The following CCSER1 variants were observed in gnomAD, a reference collection of about 807,000 sequenced individuals.
The protein encoded by CCSER1 is coiled-coil serine rich protein 1.
Under a neutral mutation model 82.0 loss-of-function variants are expected in CCSER1, and 41 were observed. The ratio of observed to expected loss-of-function variants is 0.50; its 90% CI spans 0.39 to 0.65. The LOEUF (loss-of-function observed/expected upper bound fraction) is 0.65, where lower values mean the gene tolerates loss of function less well. Among genes scored for constraint, CCSER1 ranks in the 30% least tolerant of loss-of-function variants. The pLI is 0.00. For synonymous variants in CCSER1, 414 were observed against 383.9 expected, an observed-to-expected ratio of 1.08 and a Z score of -0.92; for missense variants, 1,119 against 1,064.2, an observed-to-expected ratio of 1.05 and a Z score of -0.72.
At chr4:90,505,749 A>G (rs1326280201) in intron 5 of CCSER1, among the ~76,000 whole-genome samples, 3 of 152,178 alleles carry the variant, frequency 2.0e-5, no homozygotes, top group African/African-American at 7.2e-5. Context: ...GTATGATAGT[A>G]TATTATAATT....
At chr4:91,540,230 T>A (rs919742693) in intron 10 of CCSER1, among the ~76,000 whole-genome samples, 2 of 152,084 alleles carry the variant, frequency 1.3e-5, no homozygotes, top group African/African-American at 4.8e-5. Flanking sequence ...CATTGATGCA[T>A]CCTTATCACT....
intron 10 of CCSER1, among the ~76,000 whole-genome samples, chr4:91,209,795 C>G (rs1437703538): frequency 1.3e-5 from 2 of 151,274 alleles, no homozygotes; most frequent in Non-Finnish European, 3.0e-5. Flanking sequence ...TTTTTTTTCC[C>G]CAATTCAGTC....
intron 10 of CCSER1, among the ~76,000 whole-genome samples, chr4:91,456,632 C>G (rs1756192075): frequency 6.6e-6 from 1 of 152,040 alleles, no homozygotes. Flanking sequence ...TTCACCACTT[C>G]AAGCAGTATT....
chr4:90,961,554 TTAATA>T (rs1734053437), intron 9 of CCSER1, among the ~76,000 whole-genome samples: 1 of 152,152 alleles, frequency 6.6e-6, no homozygotes, highest in Non-Finnish European at 1.5e-5. Context: ...TATTTGAATG[TTAATA>T]TAAAGTTTCA....
intron 10 of CCSER1, among the ~76,000 whole-genome samples, chr4:91,234,085 A>C (rs1738825470): frequency 6.6e-6 from 1 of 152,022 alleles, no homozygotes; most frequent in Non-Finnish European, 1.5e-5. Context: ...TTATATAAGA[A>C]GATAATAGAA....
chr4:91,407,603 C>T (rs1046102978), intron 10 of CCSER1, among the ~76,000 whole-genome samples: 1 of 152,122 alleles, frequency 6.6e-6, no homozygotes, highest in African/African-American at 2.4e-5. Flanking sequence ...ATACAAGAAG[C>T]ATCATGTAGC....
intron 6 of CCSER1, among the ~76,000 whole-genome samples, chr4:90,710,521 G>A (rs970592004): frequency 1.3e-5 from 2 of 152,094 alleles, no homozygotes. Flanking sequence ...GTGTAAGGAA[G>A]AGGTACAGTT....
intron 9 of CCSER1, among the ~76,000 whole-genome samples, chr4:90,964,996 C>A (rs1734421584): frequency 6.6e-6 from 1 of 151,880 alleles, no homozygotes; most frequent in Admixed American, 6.6e-5. Context: ...CTAAGGGGGC[C>A]TTATCTATGT....
chr4:90,391,291 A>C (rs1311574494), intron 3 of CCSER1, among the ~76,000 whole-genome samples: 1 of 146,200 alleles, frequency 6.8e-6, no homozygotes, highest in African/African-American at 2.5e-5. Flanking sequence ...AAAAAAGAAA[A>C]AAAAAGAAAA....
intron 10 of CCSER1, among the ~76,000 whole-genome samples, chr4:91,532,693 C>T (rs1045664966): frequency 3.5e-5 from 5 of 143,820 alleles, no homozygotes; most frequent in African/African-American, 1.3e-4. Flanking sequence ...ATGATGAAAC[C>T]CATTCTCTAC....
chr4:91,485,978 A>T (rs1758199536), intron 10 of CCSER1, among the ~76,000 whole-genome samples: 1 of 152,034 alleles, frequency 6.6e-6, no homozygotes, highest in African/African-American at 2.4e-5. Context: ...GTTCATGAAA[A>T]TTGGAACTTA....
intron 10 of CCSER1, among the ~76,000 whole-genome samples, chr4:91,276,465 C>T (rs1742453680): frequency 2.6e-5 from 4 of 151,778 alleles, no homozygotes; most frequent in African/African-American, 9.7e-5. Flanking sequence ...TAGTATATAA[C>T]ACTACTGATT....
chr4:90,529,589 C>T (rs529701001), intron 5 of CCSER1, among the ~76,000 whole-genome samples: 35 of 152,142 alleles, frequency 2.3e-4, no homozygotes, highest in Admixed American at 7.9e-4. Flanking sequence ...CTAATGGTCC[C>T]CTGTTTTATC....
chr4:91,115,560 C>T (rs1362680698), intron 10 of CCSER1, among the ~76,000 whole-genome samples: 5 of 149,426 alleles, frequency 3.3e-5, no homozygotes, highest in African/African-American at 7.3e-5. Flanking sequence ...CTCCTGACCT[C>T]GTGATCTGCC....
At chr4:90,900,059 G>T in intron 8 of CCSER1, among the ~76,000 whole-genome samples, 2 of 144,416 alleles carry the variant, frequency 1.4e-5, no homozygotes, top group South Asian at 2.2e-4. Context: ...TTGCCTATCT[G>T]ATAGAATTCT....
chr4:91,296,468 TATATATATATATA>T lies in CCSER1; in HGVS notation c.2217+210475_2217+210487del, dbSNP rs1560573046. Among the ~76,000 whole-genome samples, 385 of 50,514 alleles carry T rather than the reference TATATATATATATA, an allele frequency of 7.6e-3. 20 individuals are homozygous for T. Among genetic ancestry groups the T allele is most frequent in the African/African-American group, 0.027 (360 of 13,442 alleles). The allele number at this position is 50,514 out of a possible 152,430, so 33.1% of individuals were successfully genotyped here. A position where few individuals can be genotyped will look rare whatever the true frequency, so the allele number is the denominator to read the frequency against. On this transcript the variant is annotated intron_variant, in intron 10 of 10. Transcript: ENST00000509176. ...CTAACATTATATATATATATATATGTATATATATATATATATATTTTAATTAAATATACAGTTA... is the reference window on the plus strand; with the variant it reads ...CTAACATTATATATATATATATATGTTATATTTTAATTAAATATACAGTTA...
Position 91,567,115 on chromosome 4 carries a change from T to C in CCSER1, c.2218-31457T>C, listed in dbSNP as rs1186985291. Among the ~76,000 whole-genome samples, 6 of 152,306 alleles carry C rather than the reference T, an allele frequency of 3.9e-5. No homozygotes were observed. In the East Asian group the frequency reaches 1.2e-3, roughly 29 times the overall value. ...CCATTATTTTCAAAGAACTTCTTTA[T>C]ATCTGCCTTAATATCATTAGTTACC... On this transcript the variant is annotated intron_variant, in intron 10 of 10. Coordinates refer to ENST00000509176, the MANE Select transcript of CCSER1 (RefSeq NM_001145065.2).
chr4:91,206,181 C>A, intron 10 of CCSER1, among the ~76,000 whole-genome samples: 1 of 151,810 alleles, frequency 6.6e-6, no homozygotes, highest in East Asian at 1.9e-4. Flanking sequence ...GATAATTTTT[C>A]TGTTGCTTTT....
At chr4:90,468,161 A>G in intron 4 of CCSER1, 73 bp from the exon 5 acceptor site, 2 of 1,273,162 alleles carry the variant, frequency 1.6e-6, no homozygotes. Flanking sequence ...AAATATAGAA[A>G]GGGGAAAAAG....
Sources: allele counts gnomAD v4.1 joint callset (sites outside exome capture counted in the v4.1 genomes callset), GRCh38; gene constraint gnomAD v4.1.1; transcripts MANE v1.5; gene names NCBI Gene and HGNC (gene_info 2026-07-23, HGNC 2026-07-21).